The following PTPRG variants were observed in gnomAD, a reference collection of about 807,000 sequenced individuals.
The protein encoded by PTPRG is receptor-type tyrosine-protein phosphatase gamma.
PTPRG carries 102 observed loss-of-function variants against 165.3 expected under a neutral mutation model. That is an observed-to-expected ratio of 0.62 (90% CI 0.53 to 0.73). The LOEUF (loss-of-function observed/expected upper bound fraction) is 0.73. PTPRG is among the 30% of genes least tolerant of loss of function. The probability of loss-of-function intolerance (pLI) is 0.00; values close to 1 mark genes in which losing one functional copy is unlikely to be tolerated. For missense variants in PTPRG, 1,866 were observed against 1,861.4 expected (o/e 1.00, Z -0.05); for synonymous variants, 675 against 669.5 (o/e 1.01, Z -0.13).
intron 4 of PTPRG, among the ~76,000 whole-genome samples, chr3:62,033,539 CA>C (rs201248459): frequency 2.2e-4 from 32 of 142,992 alleles, no homozygotes; most frequent in South Asian, 4.7e-4. Flanking sequence ...TTCCCCCCCC[CA>C]CCCCCCACCA....
At chr3:62,261,141 C>T (rs899421231) in intron 16 of PTPRG, 2 of 152,130 alleles carry the variant, frequency 1.3e-5, no homozygotes, top group Admixed American at 6.5e-5. Flanking sequence ...AAATCTCAGA[C>T]TAAGGTACTA....
chr3:62,140,880 G>A (rs1703902768), intron 6 of PTPRG, among the ~76,000 whole-genome samples: 1 of 150,256 alleles, frequency 6.7e-6, no homozygotes, highest in South Asian at 2.1e-4. Context: ...AAAAAGAGTG[G>A]GGTGGAGGAA....
rs137951212 is a variant in PTPRG at position 62,048,453 on chromosome 3, A to G, written c.520-29710A>G. The stretch of plus-strand genomic sequence containing the variant: ...TGACCTCTAAGTATAGACAAAATGG[A>G]TAGAAAGTAAATCCTTCTGTCTGGG... On this transcript the variant is annotated intron_variant, in intron 4 of 29. Transcript: ENST00000474889. Among the ~76,000 whole-genome samples, 14 of 152,354 alleles carry G rather than the reference A, an allele frequency of 9.2e-5. No individual in the cohort carries two copies. In the East Asian group the frequency reaches 2.3e-3, roughly 25 times the overall value.
In PTPRG at chr3:61,717,699, G is replaced by A. The variant is rs145525511; in HGVS notation, c.86-31179G>A. On this transcript the variant is annotated intron_variant, in intron 1 of 29. Coordinates refer to ENST00000474889, the MANE Select transcript of PTPRG (RefSeq NM_002841.4). ...AGCTACTTGGGAGGCTGAGGCAGGA[G>A]AATCATTTGAACCTGGGAGTTGCAG... Among the ~76,000 whole-genome samples the A allele has an allele frequency of 6.4e-3, 981 of 152,232 alleles. 6 individuals carry two copies. The highest frequency in any genetic ancestry group is 0.011 in the Admixed American group (171 of 15,292).
intron 6 of PTPRG, among the ~76,000 whole-genome samples, chr3:62,152,893 G>A (rs1704387960): frequency 6.6e-6 from 1 of 152,142 alleles, no homozygotes; most frequent in Non-Finnish European, 1.5e-5. Context: ...TATGACCGAA[G>A]GCCAAATCCA....
At chr3:61,792,576 A>G (rs1227786146) in intron 2 of PTPRG, among the ~76,000 whole-genome samples, 1 of 152,018 alleles carries the variant, frequency 6.6e-6, no homozygotes, top group Non-Finnish European at 1.5e-5. Flanking sequence ...CATTCCACCA[A>G]TGAATTCAGG....
chr3:62,132,529 T>C (rs1198083879), intron 5 of PTPRG, 73 bp from the exon 6 acceptor site: 18 of 1,214,928 alleles, frequency 1.5e-5, no homozygotes, highest in Non-Finnish European at 2.1e-5. Context: ...CCCTTCTCTT[T>C]AGAAGATTAA....
chr3:61,963,030 C>A (rs1453192331), intron 2 of PTPRG, among the ~76,000 whole-genome samples: 1 of 152,124 alleles, frequency 6.6e-6, no homozygotes, highest in African/African-American at 2.4e-5. Context: ...CCCACCCTAT[C>A]CTCCCACAGG....
chr3:61,890,412 G>GTTTTTTTTTTTTTTTTTTTTT (rs1388100597), intron 2 of PTPRG, among the ~76,000 whole-genome samples: 39 of 95,358 alleles, frequency 4.1e-4, no homozygotes, highest in African/African-American at 1.0e-3. Flanking sequence ...CTTGTTCTTT[G>GTTTTTTTTTTTTTTTTTTTTT]TTTTTTTTTT....
chr3:61,898,003 G>C (rs1256417386), intron 2 of PTPRG, among the ~76,000 whole-genome samples: 2 of 151,988 alleles, frequency 1.3e-5, no homozygotes, highest in Non-Finnish European at 2.9e-5. Context: ...AACAGAGATA[G>C]TTTTATTTCT....
chr3:61,891,277 A>G (rs1324235521), intron 2 of PTPRG, among the ~76,000 whole-genome samples: 3 of 152,170 alleles, frequency 2.0e-5, no homozygotes, highest in Non-Finnish European at 1.5e-5. Flanking sequence ...CCTGGGTGAC[A>G]GAGCGAGACT....
At chr3:62,206,875 G>A (rs893487794) in intron 12 of PTPRG, among the ~76,000 whole-genome samples, 2 of 123,580 alleles carry the variant, frequency 1.6e-5, no homozygotes, top group Non-Finnish European at 1.6e-5. Context: ...AGGCTGCAGT[G>A]AGAAGATCAC....
intron 5 of PTPRG, among the ~76,000 whole-genome samples, chr3:62,091,459 T>C (rs1701927249): frequency 6.6e-6 from 1 of 152,182 alleles, no homozygotes; most frequent in Admixed American, 6.5e-5. Flanking sequence ...GAGAGACAAG[T>C]AACACATTGA....
chr3:62,292,910 A>C (rs140079107), intron 29 of PTPRG, among the ~76,000 whole-genome samples: 1 of 152,178 alleles, frequency 6.6e-6, no homozygotes, highest in African/African-American at 2.4e-5. Flanking sequence ...TTAACCAATA[A>C]TGATTGTTCA....
chr3:62,275,973 C>T lies in PTPRG; in HGVS notation c.3559+7C>T, dbSNP rs1411097409. 3 of 1,587,078 alleles carry T rather than the reference C, an allele frequency of 1.9e-6. No individual in the cohort carries two copies. Among genetic ancestry groups the T allele is most frequent in the Admixed American group, 3.4e-5 (2 of 59,314 alleles). On this transcript the variant is annotated splice_region_variant and intron_variant, in intron 24 of 29. Coordinates refer to ENST00000474889, the MANE Select transcript of PTPRG (RefSeq NM_002841.4). ...AACTCTTCAGTTGTGCCATGTAAGA[C>T]TTTAAAACAGTTTGTTAGTGATCTT...
intron 4 of PTPRG, among the ~76,000 whole-genome samples, chr3:62,070,878 A>G (rs1275634981): frequency 6.6e-6 from 1 of 151,982 alleles, no homozygotes; most frequent in Non-Finnish European, 1.5e-5. Context: ...TACGTTTCCC[A>G]GGTTTGTCAA....
chr3:62,158,353 A>G (rs1240052728), intron 7 of PTPRG, among the ~76,000 whole-genome samples: 4 of 152,188 alleles, frequency 2.6e-5, no homozygotes, highest in Non-Finnish European at 5.9e-5. Context: ...GATGGGTAGG[A>G]TTTGTAAGAA....
chr3:61,835,614 G>GA (rs1456632398), intron 2 of PTPRG, among the ~76,000 whole-genome samples: 1 of 152,050 alleles, frequency 6.6e-6, no homozygotes, highest in Admixed American at 6.5e-5. Flanking sequence ...TTATAGGCAT[G>GA]AACCACCACG....
At chr3:62,053,156 T>C (rs111524818) in intron 4 of PTPRG, among the ~76,000 whole-genome samples, 162 of 150,276 alleles carry the variant, frequency 1.1e-3, no homozygotes, top group African/African-American at 3.7e-3. Flanking sequence ...ATGAGTGTCA[T>C]TTTTTGTGGT....
Sources: allele counts gnomAD v4.1 joint callset (sites outside exome capture counted in the v4.1 genomes callset), GRCh38; gene constraint gnomAD v4.1.1; transcripts MANE v1.5; gene names NCBI Gene and HGNC (gene_info 2026-07-23, HGNC 2026-07-21).